TTLL5: variants seen among roughly 807,000 people sequenced by gnomAD.
TTLL5 encodes tubulin tyrosine ligase like 5.
In TTLL5, 132 loss-of-function variants were observed where a neutral mutation model predicts 168.4. The observed-to-expected ratio is 0.78, with a 90% CI of 0.68 to 0.91. TTLL5 has a LOEUF of 0.91. Among genes scored for constraint, TTLL5 ranks in the 40% least tolerant of loss-of-function variants. TTLL5 has a pLI of 0.00. For missense variants in TTLL5, 1,545 were observed against 1,581.5 expected (o/e 0.98, Z 0.39); for synonymous variants, 546 against 558.6 (o/e 0.98, Z 0.32).
At chr14:75,775,404 T>C in intron 21 of TTLL5, 80 bp from the exon 22 acceptor site, 1 of 1,498,372 alleles carries the variant, frequency 6.7e-7, no homozygotes, top group Non-Finnish European at 9.1e-7. Context: ...ATCTCTGTTA[T>C]ATAATGCCTT....
chr14:75,825,223 A>C (rs887072767), intron 28 of TTLL5, among the ~76,000 whole-genome samples: 1 of 152,226 alleles, frequency 6.6e-6, no homozygotes, highest in Non-Finnish European at 1.5e-5. Context: ...GAAAGAAAGA[A>C]AGAAACTTAA....
At chr14:75,707,502 G>T (rs1886744274) in intron 8 of TTLL5, 121 bp from the exon 9 acceptor site, 2 of 722,610 alleles carry the variant, frequency 2.8e-6, no homozygotes, top group Non-Finnish European at 4.5e-6. Flanking sequence ...TGAGCAGTGT[G>T]TGTTTCATGT....
In TTLL5 at chr14:75,783,481, T is replaced by G; in HGVS notation, c.2937T>G (p.Ala979=). The G allele has an allele frequency of 1.2e-6, 2 of 1,614,210 alleles. No homozygotes were observed. Among genetic ancestry groups the G allele is most frequent in the Non-Finnish European group, 1.7e-6 (2 of 1,180,030 alleles). ...TIGPFSSFQS[A]AHIYSQKLSR... Reference sequence around the variant, plus strand: ...GTCCCTTTTCTTCCTTCCAAAGTGCTGCACACATCTATAGCCAGAAACTGT... The same window carrying G: ...GTCCCTTTTCTTCCTTCCAAAGTGCGGCACACATCTATAGCCAGAAACTGT... The change falls in exon 26 of 32, where the codon GCT becomes GCG. Residue 979 remains alanine (A), a synonymous_variant. Transcript: ENST00000298832.
chr14:75,669,482 C>A lies in TTLL5; in HGVS notation c.141C>A (p.Asp47Glu). ...TTCCAGTTTTGGTATTCCATGCCGA[C>A]GCTATTCTTACAAAGGACAACAATA... ...RRIPVLVFHA[D>E]AILTKDNNIR... Residue 47 changes from aspartate to glutamate, a missense_variant, in exon 3 of 32, where the codon GAC becomes GAA. Transcript: ENST00000298832. 1.9e-6 allele frequency: 3 copies of A among 1,614,104 alleles called. No individual in the cohort carries two copies. Among genetic ancestry groups the A allele is most frequent in the Non-Finnish European group, 2.5e-6 (3 of 1,179,948 alleles).
At chr14:75,768,136 T>A (rs1891071429) in intron 20 of TTLL5, among the ~76,000 whole-genome samples, 1 of 152,176 alleles carries the variant, frequency 6.6e-6, no homozygotes, top group Non-Finnish European at 1.5e-5. Flanking sequence ...ACAAATTTAT[T>A]TGGTTCAGCA....
chr14:75,812,301 G>A (rs1894093115), intron 27 of TTLL5, among the ~76,000 whole-genome samples: 1 of 152,148 alleles, frequency 6.6e-6, no homozygotes. Context: ...CTTAGGTGGA[G>A]GTAGGATCTT....
intron 2 of TTLL5, among the ~76,000 whole-genome samples, chr14:75,666,772 A>T (rs1354447576): frequency 6.6e-6 from 1 of 152,218 alleles, no homozygotes; most frequent in Non-Finnish European, 1.5e-5. Context: ...TCTTTGAGTT[A>T]TGTAGGCTGG....
chr14:75,939,179 C>A (rs2019228), intron 31 of TTLL5, among the ~76,000 whole-genome samples: 122,226 of 152,178 alleles, frequency 0.8, 49,278 homozygotes, highest in African/African-American at 0.87. Context: ...ATTCCCCTGC[C>A]TCCCCACCCC....
chr14:75,756,218 G>A (rs564913610), intron 18 of TTLL5, among the ~76,000 whole-genome samples: 1 of 151,998 alleles, frequency 6.6e-6, no homozygotes, highest in East Asian at 1.9e-4. Flanking sequence ...CTTTTCACTG[G>A]ATTTTTCTTT....
intron 27 of TTLL5, among the ~76,000 whole-genome samples, chr14:75,811,248 G>A (rs1335828635): frequency 1.3e-5 from 2 of 148,426 alleles, no homozygotes; most frequent in Admixed American, 6.9e-5. Context: ...ATATAGCATG[G>A]TTCTGTCAGA....
intron 17 of TTLL5, among the ~76,000 whole-genome samples, chr14:75,748,752 T>A (rs970790977): frequency 2.0e-5 from 3 of 152,246 alleles, no homozygotes; most frequent in Non-Finnish European, 4.4e-5. Flanking sequence ...TTGATCTGTA[T>A]CTTCTCCAAT....
At chr14:75,739,721 C>A (rs1220275163) in intron 15 of TTLL5, among the ~76,000 whole-genome samples, 1 of 152,124 alleles carries the variant, frequency 6.6e-6, no homozygotes, top group Non-Finnish European at 1.5e-5. Context: ...GCTCAATTCC[C>A]ACATCTGTCA....
intron 12 of TTLL5, 26 bp downstream of exon 12, chr14:75,720,729 T>C (rs1355353228): frequency 1.3e-6 from 2 of 1,587,598 alleles, no homozygotes; most frequent in South Asian, 2.2e-5. Context: ...AAGCTTAACA[T>C]GTTTTGTGAA....
At chr14:75,701,741 C>CCT (rs1238774948) in intron 7 of TTLL5, among the ~76,000 whole-genome samples, 1 of 152,190 alleles carries the variant, frequency 6.6e-6, no homozygotes, top group African/African-American at 2.4e-5. Flanking sequence ...TGTTAATTAT[C>CCT]TGATTCTAAT....
chr14:75,705,685 G>A (rs1410243748), intron 7 of TTLL5, among the ~76,000 whole-genome samples: 2 of 152,244 alleles, frequency 1.3e-5, no homozygotes, highest in East Asian at 1.9e-4. Context: ...GCACATCCAC[G>A]TGTTTAGTAC....
intron 31 of TTLL5, among the ~76,000 whole-genome samples, chr14:75,914,314 T>G (rs912401455): frequency 2.9e-4 from 44 of 151,724 alleles, no homozygotes; most frequent in African/African-American, 1.0e-3. Context: ...GTTTCTTCAA[T>G]CCCTAGTAAT....
At chr14:75,835,837 TCA>T (rs1280057075) in intron 28 of TTLL5, among the ~76,000 whole-genome samples, 1 of 152,084 alleles carries the variant, frequency 6.6e-6, no homozygotes, top group East Asian at 1.9e-4. Context: ...AATCAAAACT[TCA>T]GTGAGATACC....
At chr14:75,889,868 CGAGGGAGG>C (rs1201552703) in intron 30 of TTLL5, among the ~76,000 whole-genome samples, 2 of 88,554 alleles carry the variant, frequency 2.3e-5, no homozygotes, top group African/African-American at 8.8e-5. Flanking sequence ...AGGGAAGAAG[CGAGGGAGG>C]GAGGGAGGGA....
intron 31 of TTLL5, among the ~76,000 whole-genome samples, chr14:75,935,928 A>G (rs2140180430): frequency 6.6e-6 from 1 of 152,328 alleles, no homozygotes; most frequent in East Asian, 1.9e-4. Context: ...CTTTTAAACC[A>G]CACAAATAGG....
Sources: gnomAD v4.1 joint callset for allele counts (sites outside exome capture counted in the v4.1 genomes callset) on GRCh38, gnomAD v4.1.1 for gene constraint, MANE v1.5 for transcripts, NCBI Gene and HGNC (gene_info 2026-07-23, HGNC 2026-07-21) for gene names.